Variants in LRP10 observed in about 807,000 individuals in gnomAD.
LRP10 encodes the protein low-density lipoprotein receptor-related protein 10.
Under a neutral mutation model 58.5 loss-of-function variants are expected in LRP10, and 42 were observed. The ratio of observed to expected loss-of-function variants is 0.72; its 90% CI spans 0.56 to 0.93. The LOEUF (loss-of-function observed/expected upper bound fraction) is 0.93. Among genes scored for constraint, LRP10 ranks in the 40% least tolerant of loss-of-function variants. The pLI is 0.00. For synonymous variants in LRP10, 377 were observed against 388.5 expected, an observed-to-expected ratio of 0.97 and a Z score of 0.35; for missense variants, 872 against 940.1, an observed-to-expected ratio of 0.93 and a Z score of 0.95.
Position 22,873,374 on chromosome 14 carries a change from G to A in LRP10, c.143G>A (p.Arg48Gln), listed in dbSNP as rs777666106. 30 of 1,613,896 alleles carry A rather than the reference G, an allele frequency of 1.9e-5. No homozygotes were observed. The highest frequency in any genetic ancestry group is 2.7e-5 in the African/African-American group (2 of 74,866). The change falls in exon 3 of 7, where the codon CGG becomes CAG. Residue 48 changes from arginine to glutamine, a missense_variant. Physicochemically the swap from Arg to Gln is conservative, Grantham distance 43 (BLOSUM62 1). Coordinates refer to ENST00000359591, the MANE Select transcript of LRP10 (RefSeq NM_014045.5). ...GGCACCTTACAGAGGCCCCTGGTCC[G>A]GGACAGCCGCACCTCCCCTGCCAAC... ...VQGTLQRPLVRDSRTSPANCT... is the reference protein window; with the variant it reads ...VQGTLQRPLVQDSRTSPANCT...
At position 22,875,712 on chromosome 14, in the gene LRP10, C is replaced by T; in HGVS notation, c.764C>T (p.Pro255Leu). 1 of 1,613,818 alleles carries T rather than the reference C, an allele frequency of 6.2e-7. No individual in the cohort carries two copies. The highest frequency in any genetic ancestry group is 8.5e-7 in the Non-Finnish European group (1 of 1,179,750). Residue 255 changes from proline to leucine, a missense_variant, in exon 5 of 7, where the codon CCC becomes CTC. Pro to Leu is a moderately conservative substitution (Grantham distance 98). Coordinates refer to ENST00000359591, the MANE Select transcript of LRP10 (RefSeq NM_014045.5). ...DAVHVYDGPG[P>L]PESSRLLRSL... is the part of the protein sequence containing the mutation. ...GTGCATGTGTATGACGGCCCTGGGC[C>T]CCCTGAGAGCTCCCGACTACTGCGT...
In LRP10 at chr14:22,875,781, CACTG is replaced by C; in HGVS notation, c.834_837del (p.Ser280AlafsTer37). On this transcript the variant is annotated frameshift_variant, in exon 5 of 7. Coordinates refer to ENST00000359591, the MANE Select transcript of LRP10 (RefSeq NM_014045.5). LOFTEE classifies it high-confidence loss of function. The stretch of plus-strand genomic sequence containing the variant: ...AATGGCAAGGCTGTCACTGTGGAGA[CACTG>C]TCTGGCCAGGCTGTTGTGTCCTACC... The C allele has an allele frequency of 1.2e-6, 2 of 1,614,212 alleles. No individual in the cohort carries two copies. The highest frequency in any genetic ancestry group is 8.5e-7 in the Non-Finnish European group (1 of 1,180,036).
At chr14:22,872,641 C>A in intron 1 of LRP10, 97 bp from the exon 2 acceptor site, 1 of 1,230,114 alleles carries the variant, frequency 8.1e-7, no homozygotes, top group Non-Finnish European at 1.2e-6. Context: ...CGATTAACTG[C>A]CCGGAAGTCC....
chr14:22,875,027 CAT>C (rs781189523), intron 3 of LRP10, 26 bp from the exon 4 acceptor site: 6 of 1,478,590 alleles, frequency 4.1e-6, no homozygotes, highest in Non-Finnish European at 5.4e-6. Context: ...AAGAGTATCT[CAT>C]GTCCTGCTCT....
rs1193230455 is a variant in LRP10 at position 22,878,289 on chromosome 14, A to G, written c.*762A>G. ...GGAACCCTAAGGATCAATCCTCTCC[A>G]TTTTCACTCAAATGCCTGGGGCCCA... On this transcript the variant is annotated 3_prime_UTR_variant, in exon 7 of 7. Transcript: ENST00000359591. 1.3e-5 allele frequency: 2 copies of G among 151,868 alleles called. No homozygotes were observed. The highest frequency in any genetic ancestry group is 2.9e-5 in the Non-Finnish European group (2 of 67,968). 9.4% of individuals were successfully genotyped at this position (151,868 alleles called of 1,614,324 possible).
At position 22,875,943 on chromosome 14, in the gene LRP10, A is replaced by G; in HGVS notation, c.995A>G (p.Tyr332Cys). The G allele has an allele frequency of 1.2e-6, 2 of 1,613,746 alleles. No homozygotes were observed. Among genetic ancestry groups the G allele is most frequent in the Non-Finnish European group, 1.7e-6 (2 of 1,180,024 alleles). Residue 332 changes from tyrosine to cysteine, a missense_variant, in exon 5 of 7, where the codon TAC (tyrosine) becomes TGC (cysteine). Tyr to Cys is a radical substitution (Grantham distance 194). Transcript: ENST00000359591. ...GGCGAAGGCCTAGGTGAGCGCTGCTACAGTGAGGCACAGCGCTGTGACGGC... is the reference window on the plus strand; with the variant it reads ...GGCGAAGGCCTAGGTGAGCGCTGCTGCAGTGAGGCACAGCGCTGTGACGGC... Reference protein sequence around the residue: ...GAGEGLGERCYSEAQRCDGSW... With the variant: ...GAGEGLGERCCSEAQRCDGSW...
In LRP10 at chr14:22,875,736, G is replaced by C; in HGVS notation, c.788G>C (p.Arg263Pro). ...CCCCCTGAGAGCTCCCGACTACTGC[G>C]TAGTCTCACCCACTTCAGCAATGGC... ...PGPPESSRLL[R>P]SLTHFSNGKA... Residue 263 changes from arginine (R) to proline (P), a missense_variant, in exon 5 of 7, where the codon CGT becomes CCT. Coordinates refer to ENST00000359591, the MANE Select transcript of LRP10 (RefSeq NM_014045.5). The C allele has an allele frequency of 6.2e-7, 1 of 1,613,996 alleles. No homozygotes were observed. The highest frequency in any genetic ancestry group is 8.5e-7 in the Non-Finnish European group (1 of 1,179,878).
rs973724620 is a variant in LRP10, at chr14:22,872,090, C to T, written c.-214C>T. On this transcript the variant is annotated 5_prime_UTR_variant, in exon 1 of 7. Transcript: ENST00000359591. ...GTGCGGCGGCGGACGGAGAAAACAA[C>T]TCCAAAGTTGGCGAAAGGCACCGCC... The T allele has an allele frequency of 1.7e-5, 10 of 601,578 alleles. No homozygotes were observed. The African/African-American group carries it at 1.9e-4, about 11-fold the overall frequency. The allele number at this position is 601,578 out of a possible 1,614,324, so 37.3% of individuals were successfully genotyped here.
chr14:22,873,811 G>A (rs954953875), intron 3 of LRP10, among the ~76,000 whole-genome samples: 2 of 152,222 alleles, frequency 1.3e-5, no homozygotes, highest in African/African-American at 4.8e-5. Flanking sequence ...AAAGGCATGA[G>A]CCACTGGGCC....
rs1032404092 is a variant in LRP10, at chr14:22,880,060, A to G, written c.*2533A>G. ...AGATAGGGTTCAGGCTGTGAATCAG[A>G]GTCTAGAGCCTAAGATAAAAGAAGA... On this transcript the variant is annotated 3_prime_UTR_variant, in exon 7 of 7. Transcript: ENST00000359591. 1 of 152,188 alleles carries G rather than the reference A, an allele frequency of 6.6e-6. No homozygotes were observed. 9.4% of individuals were successfully genotyped at this position (152,188 alleles called of 1,614,324 possible).
chr14:22,877,553 C>T lies in LRP10; in HGVS notation c.*26C>T, dbSNP rs1388012686. The T allele has an allele frequency of 6.6e-7, 1 of 1,517,832 alleles. No individual in the cohort carries two copies. The highest frequency in any genetic ancestry group is 8.9e-7 in the Non-Finnish European group (1 of 1,125,136). The allele number at this position is 1,517,832 out of a possible 1,614,324, so 94.0% of individuals were successfully genotyped here. ...GGGGACCTGGGGGCTCTACTGAGGC[C>T]TCTCCCCTGGGGGCTCTACTCATAG... On this transcript the variant is annotated 3_prime_UTR_variant, in exon 7 of 7. Coordinates refer to ENST00000359591, the MANE Select transcript of LRP10 (RefSeq NM_014045.5). The surrounding 1 kb of genome is among the most constrained non-coding windows in gnomAD (Gnocchi z 5.1).
In LRP10 at chr14:22,876,119, G is replaced by A. The variant is rs2040002693; in HGVS notation, c.1171G>A (p.Ala391Thr). 2 of 1,614,070 alleles carry A rather than the reference G, an allele frequency of 1.2e-6. No individual in the cohort carries two copies. The highest frequency in any genetic ancestry group is 2.2e-5 in the South Asian group (2 of 91,094). The change falls in exon 5 of 7, where the codon GCA becomes ACA. Residue 391 changes from alanine (A) to threonine (T), a missense_variant. Transcript: ENST00000359591. ...CTACCAGACTTTCTGTGCTGATGGAGCAGATGAGAGACGCTGTCGGCATTG... is the reference window on the plus strand; with the variant it reads ...CTACCAGACTTTCTGTGCTGATGGAACAGATGAGAGACGCTGTCGGCATTG... ...CNYQTFCADG[A>T]DERRCRHCQP...
chr14:22,876,548 G>A, intron 5 of LRP10, 141 bp from the exon 6 acceptor site: 2 of 1,327,526 alleles, frequency 1.5e-6, no homozygotes, highest in Non-Finnish European at 1.0e-6. Context: ...AGGGAGGAGG[G>A]ACCTCAGATG....
chr14:22,874,835 C>T lies in LRP10; in HGVS notation c.216-220C>T, dbSNP rs112947011. ...CCAAGAGGTGGAGGTTGCAGTGATC[C>T]AAGATCACACCATTGCACTCCAGCC... is the stretch of plus-strand genomic sequence containing the variant. On this transcript the variant is annotated intron_variant, in intron 3 of 6. Transcript: ENST00000359591. Among the ~76,000 whole-genome samples, 1,466 of 152,242 alleles carry T rather than the reference C, an allele frequency of 9.6e-3. 9 individuals carry two copies. The highest frequency in any genetic ancestry group is 0.016 in the Non-Finnish European group (1,068 of 67,994).
At chr14:22,874,020 C>T (rs1044181721) in intron 3 of LRP10, among the ~76,000 whole-genome samples, 2 of 152,220 alleles carry the variant, frequency 1.3e-5, no homozygotes, top group Non-Finnish European at 2.9e-5. Flanking sequence ...CCTCTGCAAA[C>T]GGTCCTCAGC....
intron 3 of LRP10, 86 bp downstream of exon 3, chr14:22,873,532 T>C (rs2039976830): frequency 1.4e-6 from 2 of 1,480,974 alleles, no homozygotes; most frequent in African/African-American, 1.4e-5. Context: ...ACTTCTTTTT[T>C]TTTTTTTTTG....
In LRP10 at chr14:22,875,341, T is replaced by C; in HGVS notation, c.407-14T>C. On this transcript the variant is annotated splice_polypyrimidine_tract_variant and intron_variant, in intron 4 of 6. Coordinates refer to ENST00000359591, the MANE Select transcript of LRP10 (RefSeq NM_014045.5). The stretch of plus-strand genomic sequence containing the variant: ...TCTGGTGCTTCACAGCCCCTCTCCA[T>C]GGTGCCTCTGCAGATTGGCTGATGT... The C allele has an allele frequency of 6.2e-7, 1 of 1,605,166 alleles. No individual in the cohort carries two copies. Among genetic ancestry groups the C allele is most frequent in the Non-Finnish European group, 8.5e-7 (1 of 1,173,718 alleles).
Position 22,877,586 on chromosome 14 carries a change from AC to A in LRP10, c.*61del. ...TGGGGGCTCTACTCATAGTGGCACA[AC>A]CTTTTAGAGGTGGGTCAGCCTCCCC... On this transcript the variant is annotated 3_prime_UTR_variant, in exon 7 of 7. Transcript: ENST00000359591. This position sits in a 1 kb window ranked among gnomAD's most constrained non-coding sequence, Gnocchi z 5.1. The A allele has an allele frequency of 7.5e-7, 1 of 1,337,418 alleles. No homozygotes were observed. The highest frequency in any genetic ancestry group is 9.9e-7 in the Non-Finnish European group (1 of 1,005,542). 82.8% of individuals were successfully genotyped at this position (1,337,418 alleles called of 1,614,324 possible). A position where few individuals can be genotyped will look rare whatever the true frequency, so the allele number is the denominator to read the frequency against.
Position 22,872,235 on chromosome 14 carries a change from T to C in LRP10, c.-69T>C, listed in dbSNP as rs1416793421. 12 of 1,573,638 alleles carry C rather than the reference T, an allele frequency of 7.6e-6. No homozygotes were observed. Among genetic ancestry groups the C allele is most frequent in the Admixed American group, 1.7e-5 (1 of 59,914 alleles). ...ACCAGGGAGCCTGGGCGCCCGGGGC[T>C]CCGCCGCGACCCCATCGGGTAGACC... On this transcript the variant is annotated 5_prime_UTR_variant, in exon 1 of 7. Coordinates refer to ENST00000359591, the MANE Select transcript of LRP10 (RefSeq NM_014045.5).
Sources: gnomAD v4.1 joint callset for allele counts (sites outside exome capture counted in the v4.1 genomes callset) on GRCh38, gnomAD v4.1.1 for gene constraint, Gnocchi (gnomAD v3.1) non-coding constraint, MANE v1.5 for transcripts, NCBI Gene and HGNC (gene_info 2026-07-23, HGNC 2026-07-21) for gene names.